MEGF11: variants seen among roughly 807,000 people sequenced by gnomAD.
MEGF11 encodes multiple EGF like domains 11.
Under a neutral mutation model 146.6 loss-of-function variants are expected in MEGF11, and 126 were observed. That is an observed-to-expected ratio of 0.86 (90% CI 0.74 to 1.00). The LOEUF (loss-of-function observed/expected upper bound fraction) is 1.00. Among genes scored for constraint, MEGF11 ranks in the 50% least tolerant of loss-of-function variants. MEGF11 has a pLI of 0.00. For synonymous variants in MEGF11, 532 were observed against 583.4 expected (o/e 0.91, Z 1.27); for missense variants, 1,509 against 1,521.2 (o/e 0.99, Z 0.13).
At chr15:65,973,377 TGA>T (rs1401518705) in intron 7 of MEGF11, among the ~76,000 whole-genome samples, 5 of 152,176 alleles carry the variant, frequency 3.3e-5, no homozygotes, top group African/African-American at 1.2e-4. Context: ...CTGACCTTAT[TGA>T]GAGGAGTTTG....
At chr15:66,208,797 G>A (rs1326922547) in intron 1 of MEGF11, among the ~76,000 whole-genome samples, 4 of 152,054 alleles carry the variant, frequency 2.6e-5, no homozygotes, top group African/African-American at 7.2e-5. Flanking sequence ...CAGGAGAATC[G>A]CTTGAACCTG....
At chr15:66,060,541 T>C (rs754793793) in intron 5 of MEGF11, among the ~76,000 whole-genome samples, 2 of 152,208 alleles carry the variant, frequency 1.3e-5, no homozygotes, top group Non-Finnish European at 2.9e-5. Context: ...GTTGGAACTG[T>C]CTTCCTCCTT....
chr15:65,922,886 A>C lies in MEGF11; in HGVS notation c.1759T>G (p.Cys587Gly). 6.2e-7 allele frequency: 1 copy of C among 1,613,198 alleles called. No homozygotes were observed. The highest frequency in any genetic ancestry group is 1.3e-5 in the African/African-American group (1 of 75,000). The change falls in exon 14 of 26, where the codon TGC becomes GGC. Residue 587 changes from cysteine (C) to glycine (G), a missense_variant. Physicochemically the swap from Cys to Gly is radical, Grantham distance 159. Coordinates refer to ENST00000395614, the MANE Select transcript of MEGF11 (RefSeq NM_001385028.1). Reference sequence around the variant, plus strand: ...TCGCAGCTCCCATCCTCTGGGGAGCAGGAGCCTCCATTCTCACAGCTGCAG... The same window carrying C: ...TCGCAGCTCCCATCCTCTGGGGAGCCGGAGCCTCCATTCTCACAGCTGCAG... ...VSCSCENGGS[C>G]SPEDGSCECA...
intron 5 of MEGF11, among the ~76,000 whole-genome samples, chr15:66,093,210 G>C (rs115418790): frequency 1.5e-3 from 227 of 152,228 alleles, no homozygotes; most frequent in African/African-American, 5.3e-3. Context: ...AATCACCCAG[G>C]CTCAAAACAA....
chr15:65,990,618 A>G (rs1258311536), intron 5 of MEGF11, among the ~76,000 whole-genome samples: 3 of 135,796 alleles, frequency 2.2e-5, no homozygotes, highest in Non-Finnish European at 3.2e-5. Flanking sequence ...AAGAAAAAAA[A>G]GAAAAGAAAA....
intron 16 of MEGF11, 77 bp downstream of exon 16, chr15:65,917,887 CAG>C (rs778051930): frequency 1.4e-4 from 223 of 1,578,064 alleles, no homozygotes; most frequent in Non-Finnish European, 1.9e-4. Flanking sequence ...GGCACCAGGA[CAG>C]AGAGGTTTTG....
At chr15:66,110,045 G>A (rs1292428039) in intron 4 of MEGF11, among the ~76,000 whole-genome samples, 1 of 152,144 alleles carries the variant, frequency 6.6e-6, no homozygotes, top group Admixed American at 6.5e-5. Flanking sequence ...CCAAGGGAGA[G>A]ACAGGATGGT....
At chr15:66,203,819 A>G (rs2091230477) in intron 1 of MEGF11, among the ~76,000 whole-genome samples, 1 of 152,256 alleles carries the variant, frequency 6.6e-6, no homozygotes, top group South Asian at 2.1e-4. Flanking sequence ...ACTAGAAGAT[A>G]TTAGAAAATT....
intron 10 of MEGF11, among the ~76,000 whole-genome samples, chr15:65,940,045 A>G (rs1259919969): frequency 1.3e-5 from 2 of 152,190 alleles, no homozygotes; most frequent in Non-Finnish European, 2.9e-5. Flanking sequence ...CAGGGGATAC[A>G]CAGGGAGTGG....
At chr15:65,966,237 G>T (rs182797437) in intron 8 of MEGF11, among the ~76,000 whole-genome samples, 4 of 152,054 alleles carry the variant, frequency 2.6e-5, no homozygotes, top group Admixed American at 2.0e-4. Context: ...CTCATGATCC[G>T]CCTGCCTCGG....
intron 5 of MEGF11, among the ~76,000 whole-genome samples, chr15:65,991,198 A>G (rs2082033721): frequency 6.6e-6 from 1 of 152,306 alleles, no homozygotes; most frequent in African/African-American, 2.4e-5. Context: ...CCCATCTCCT[A>G]GGGTAGCAGG....
intron 1 of MEGF11, among the ~76,000 whole-genome samples, chr15:66,140,532 C>T (rs554563910): frequency 5.9e-5 from 9 of 152,328 alleles, no homozygotes; most frequent in Admixed American, 2.0e-4. Context: ...AGGCAGGACG[C>T]TTGCACCAAG....
intron 10 of MEGF11, among the ~76,000 whole-genome samples, chr15:65,933,532 C>A (rs2141324131): frequency 6.6e-6 from 1 of 152,360 alleles, no homozygotes; most frequent in African/African-American, 2.4e-5. Context: ...CTGCTCCCCA[C>A]AATGCCGTGT....
chr15:66,040,139 AC>A (rs2083906078), intron 5 of MEGF11: 1 of 155,018 alleles, frequency 6.5e-6, no homozygotes. Context: ...CAGAGGGCTT[AC>A]TGTCCAACAA....
intron 1 of MEGF11, among the ~76,000 whole-genome samples, chr15:66,239,361 T>C (rs527241641): frequency 1.3e-5 from 2 of 152,194 alleles, no homozygotes; most frequent in African/African-American, 4.8e-5. Flanking sequence ...TCCAAATAAC[T>C]CATGTCATTA....
intron 1 of MEGF11, among the ~76,000 whole-genome samples, chr15:66,134,989 C>G (rs1436275817): frequency 6.6e-6 from 1 of 152,236 alleles, no homozygotes; most frequent in Non-Finnish European, 1.5e-5. Flanking sequence ...GGGTTCGAAT[C>G]CTACCCTTGC....
chr15:66,100,694 G>C (rs2086756493), intron 4 of MEGF11, among the ~76,000 whole-genome samples: 1 of 152,170 alleles, frequency 6.6e-6, no homozygotes, highest in African/African-American at 2.4e-5. Context: ...CCTCTGAGCA[G>C]TCACTCACTC....
At chr15:66,028,000 C>T (rs374793670) in intron 5 of MEGF11, among the ~76,000 whole-genome samples, 15 of 152,332 alleles carry the variant, frequency 9.8e-5, no homozygotes, top group East Asian at 3.9e-4. Context: ...AAAAGAGGGA[C>T]GTAGCACACA....
chr15:65,982,384 A>C lies in MEGF11; in HGVS notation c.499T>G (p.Phe167Val). 1 of 1,532,934 alleles carries C rather than the reference A, an allele frequency of 6.5e-7. No homozygotes were observed. Among genetic ancestry groups the C allele is most frequent in the Non-Finnish European group, 8.8e-7 (1 of 1,141,844 alleles). 95.0% of individuals were successfully genotyped at this position (1,532,934 alleles called of 1,614,324 possible). The change falls in exon 6 of 26, where the codon TTC becomes GTC. Residue 167 changes from phenylalanine to valine, a missense_variant. Phe to Val is a conservative substitution (Grantham distance 50, BLOSUM62 -1). Coordinates refer to ENST00000395614, the MANE Select transcript of MEGF11 (RefSeq NM_001385028.1). This position sits in a 1 kb window ranked among gnomAD's most constrained non-coding sequence, Gnocchi z 5.6. ...ITGACVCAAGFRGWRCEELCA... is the reference protein window; with the variant it reads ...ITGACVCAAGVRGWRCEELCA... ...AGCTCCTCGCAGCGCCATCCACGGAAGCCGGCGGCGCACACGCAGGCGCCT... is the reference window on the plus strand; with the variant it reads ...AGCTCCTCGCAGCGCCATCCACGGACGCCGGCGGCGCACACGCAGGCGCCT...
Sources: gnomAD v4.1 joint callset for allele counts (sites outside exome capture counted in the v4.1 genomes callset) on GRCh38, gnomAD v4.1.1 for gene constraint, Gnocchi (gnomAD v3.1) non-coding constraint, MANE v1.5 for transcripts, NCBI Gene and HGNC (gene_info 2026-07-23, HGNC 2026-07-21) for gene names.